Variants in ZC3HAV1L observed in about 807,000 individuals in gnomAD.
The protein encoded by ZC3HAV1L is zinc finger CCCH-type antiviral protein 1-like.
ZC3HAV1L carries 23 observed loss-of-function variants against 28.2 expected under a neutral mutation model. The observed-to-expected ratio is 0.82, with a 90% CI of 0.59 to 1.16. ZC3HAV1L has a LOEUF of 1.16. Among genes scored for constraint, ZC3HAV1L ranks in the 50% most tolerant of loss-of-function variants. ZC3HAV1L has a pLI of 0.00. For synonymous variants in ZC3HAV1L, 180 were observed against 163.4 expected, an observed-to-expected ratio of 1.10 and a Z score of -0.78; for missense variants, 376 against 387.7, an observed-to-expected ratio of 0.97 and a Z score of 0.25.
intron 3 of ZC3HAV1L, 69 bp downstream of exon 3, chr7:139,028,633 A>C (rs1815427663): frequency 6.5e-7 from 1 of 1,548,526 alleles, no homozygotes; most frequent in Non-Finnish European, 8.7e-7. Flanking sequence ...CACTGTTCTT[A>C]CTTCTTCACA....
rs945753819 is a variant in ZC3HAV1L, at chr7:139,035,835, C to T, written c.183G>A (p.Gly61=). The change falls in exon 1 of 5, where the codon GGG becomes GGA. Residue 61 remains glycine (G), a synonymous_variant. Coordinates refer to ENST00000275766, the MANE Select transcript of ZC3HAV1L (RefSeq NM_080660.4). ...LQEVETQEGL[G]DAEAEAAAGA... ...CGGCCGCCGCCTCGGCCTCCGCGTC[C>T]CCGAGGCCCTCCTGCGTCTCCACCT... 1 of 1,491,332 alleles carries T rather than the reference C, an allele frequency of 6.7e-7. No homozygotes were observed. Among genetic ancestry groups the T allele is most frequent in the Non-Finnish European group, 8.9e-7 (1 of 1,128,954 alleles). 92.4% of individuals were successfully genotyped at this position (1,491,332 alleles called of 1,614,324 possible).
Position 139,035,697 on chromosome 7 carries a change from G to A in ZC3HAV1L, c.321C>T (p.Phe107=), listed in dbSNP as rs544199512. The A allele has an allele frequency of 2.0e-6, 3 of 1,481,242 alleles. No homozygotes were observed. Among genetic ancestry groups the A allele is most frequent in the Admixed American group, 4.7e-5 (2 of 42,240 alleles). The allele number at this position is 1,481,242 out of a possible 1,614,324, so 91.8% of individuals were successfully genotyped here. A position where few individuals can be genotyped will look rare whatever the true frequency, so the allele number is the denominator to read the frequency against. The change falls in exon 1 of 5, where the codon TTC becomes TTT. Residue 107 remains phenylalanine (F), a synonymous_variant. Transcript: ENST00000275766. ...ACTTGCCCAGCATGTGCCGGCGGCA[G>A]AAGTGCAGCTGGTCGCAGGCCTGGC... ...GECQACDQLH[F]CRRHMLGKCP...
intron 1 of ZC3HAV1L, 166 bp from the exon 2 acceptor site, chr7:139,034,844 T>C (rs1400090680): frequency 1.4e-5 from 14 of 985,048 alleles, no homozygotes; most frequent in Admixed American, 1.2e-4. Flanking sequence ...AATAAGAAAA[T>C]TGGGTTGAAG....
chr7:139,026,104 C>CA lies in ZC3HAV1L; in HGVS notation c.*439dup. 1 of 161,290 alleles carries CA rather than the reference C, an allele frequency of 6.2e-6. No individual in the cohort carries two copies. Among genetic ancestry groups the CA allele is most frequent in the Non-Finnish European group, 1.3e-5 (1 of 74,766 alleles). The allele number at this position is 161,290 out of a possible 1,614,324, so 10.0% of individuals were successfully genotyped here. A position where few individuals can be genotyped will look rare whatever the true frequency, so the allele number is the denominator to read the frequency against. On this transcript the variant is annotated 3_prime_UTR_variant, in exon 5 of 5. Transcript: ENST00000275766. ...GAGCCGAGATCACGTCACTGCACTCCAGCCTGGGCAACAGAGCAAGACCAT... is the reference window on the plus strand; with the variant it reads ...GAGCCGAGATCACGTCACTGCACTCCAAGCCTGGGCAACAGAGCAAGACCAT...
At chr7:139,025,125 A>G (rs1027030168), downstream of ZC3HAV1L, among the ~76,000 whole-genome samples, 1 of 152,170 alleles carries the variant, frequency 6.6e-6, no homozygotes, top group South Asian at 2.1e-4. Context: ...TCATCCTTCA[A>G]ACTATTGTGA....
At chr7:139,031,056 A>C (rs1416087396) in intron 2 of ZC3HAV1L, among the ~76,000 whole-genome samples, 2 of 152,170 alleles carry the variant, frequency 1.3e-5, no homozygotes, top group Non-Finnish European at 2.9e-5. Flanking sequence ...ACTTTAATGC[A>C]ATTTCTACCC....
rs540955663 is a variant in ZC3HAV1L at position 139,026,564 on chromosome 7, T to C, written c.887-4A>G. 362 of 1,612,574 alleles carry C rather than the reference T, an allele frequency of 2.2e-4. 3 individuals are homozygous for C. The South Asian group carries it at 3.7e-3, about 17-fold the overall frequency. ...CTTCTTTACTTCTCGCAAGACACTG[T>C]GAGGTAGATATTATTATGACCATTA... On this transcript the variant is annotated splice_region_variant and splice_polypyrimidine_tract_variant and intron_variant, in intron 4 of 4. Coordinates refer to ENST00000275766, the MANE Select transcript of ZC3HAV1L (RefSeq NM_080660.4).
intron 2 of ZC3HAV1L, chr7:139,033,885 T>C (rs1815611677): frequency 3.0e-6 from 3 of 985,422 alleles, no homozygotes; most frequent in African/African-American, 3.5e-5. Context: ...CAGCTACTGC[T>C]TGCATCTACT....
chr7:139,022,045 A>G (rs188779781), downstream of ZC3HAV1L, among the ~76,000 whole-genome samples: 356 of 152,300 alleles, frequency 2.3e-3, no homozygotes, highest in African/African-American at 8.0e-3. Flanking sequence ...TATAAAACCT[A>G]GACAAAAAGA....
At chr7:139,035,350 G>T (rs143775939) in intron 1 of ZC3HAV1L, 14 of 985,076 alleles carry the variant, frequency 1.4e-5, no homozygotes, top group Non-Finnish European at 1.7e-5. Flanking sequence ...AGTGAGCTCC[G>T]AAGTCCCAGT....
rs1455475217 is a variant in ZC3HAV1L, at chr7:139,035,962, C to T, written c.56G>A (p.Gly19Asp). 7 of 1,520,210 alleles carry T rather than the reference C, an allele frequency of 4.6e-6. No individual in the cohort carries two copies. Among genetic ancestry groups the T allele is most frequent in the South Asian group, 1.2e-5 (1 of 82,300 alleles). 94.2% of individuals were successfully genotyped at this position (1,520,210 alleles called of 1,614,324 possible). ...FLTKVLCAHG[G>D]RMFLKDLRGH... is the part of the protein sequence containing the mutation. ...GCGCAGGTCCTTCAGGAACATGCGG[C>T]CGCCGTGGGCGCACAGCACCTTGGT... The change falls in exon 1 of 5, where the codon GGC becomes GAC. Residue 19 changes from glycine (G) to aspartate (D), a missense_variant. Transcript: ENST00000275766.
rs973062116 is a variant in ZC3HAV1L, at chr7:139,034,236, G to A, written c.501+307C>T. The A allele has an allele frequency of 3.2e-5, 30 of 934,170 alleles. No individual in the cohort carries two copies. The Admixed American group carries it at 9.3e-4, about 29-fold the overall frequency. 57.9% of individuals were successfully genotyped at this position (934,170 alleles called of 1,614,324 possible). On this transcript the variant is annotated intron_variant, in intron 2 of 4. Transcript: ENST00000275766. ...CCATCCCTCTTCTGGCCAAGTGGAGGTGTCTATGATAGCATCACTGTGCTA... is the reference window on the plus strand; with the variant it reads ...CCATCCCTCTTCTGGCCAAGTGGAGATGTCTATGATAGCATCACTGTGCTA...
chr7:139,026,970 A>G, intron 3 of ZC3HAV1L, 137 bp from the exon 4 acceptor site: 6 of 997,746 alleles, frequency 6.0e-6, no homozygotes, highest in Non-Finnish European at 8.5e-6. Context: ...TCTGGATTTT[A>G]AAAAATTGTA....
intron 2 of ZC3HAV1L, 30 bp from the exon 3 acceptor site, chr7:139,028,990 T>C (rs889311155): frequency 6.3e-7 from 1 of 1,592,676 alleles, no homozygotes; most frequent in Non-Finnish European, 8.6e-7. Context: ...ACACCTGAAA[T>C]ATTAGTTTTT....
Position 139,035,662 on chromosome 7 carries a change from C to A in ZC3HAV1L, c.356G>T (p.Arg119Leu). 6.9e-7 allele frequency: 1 copy of A among 1,452,924 alleles called. No individual in the cohort carries two copies. The allele number at this position is 1,452,924 out of a possible 1,614,324, so 90.0% of individuals were successfully genotyped here. Residue 119 changes from arginine (R) to leucine (L), a missense_variant, in exon 1 of 5, where the codon CGG becomes CTG. Coordinates refer to ENST00000275766, the MANE Select transcript of ZC3HAV1L (RefSeq NM_080660.4). ...GCCGCCGCCTTCTCACCAGCAGTCC[C>A]GGTTGGGGCACTTGCCCAGCATGTG... Reference protein sequence around the residue: ...RRHMLGKCPNRDCWSTCTLSH... With the variant: ...RRHMLGKCPNLDCWSTCTLSH...
chr7:139,026,984 G>A (rs1432564370), intron 3 of ZC3HAV1L, 151 bp from the exon 4 acceptor site: 2 of 890,836 alleles, frequency 2.2e-6, no homozygotes, highest in African/African-American at 1.7e-5. Context: ...AATTGTATGT[G>A]TGTGTGTATA....
Position 139,030,833 on chromosome 7 carries a change from AT to A in ZC3HAV1L, c.502-1874del, listed in dbSNP as rs764593682. ...GTCTCCATCTCAAAAAATAATAATA[AT>A]TAATTAATTAATTAATTAATTAAAT... On this transcript the variant is annotated intron_variant, in intron 2 of 4. Coordinates refer to ENST00000275766, the MANE Select transcript of ZC3HAV1L (RefSeq NM_080660.4). Among the ~76,000 whole-genome samples the A allele has an allele frequency of 3.6e-4, 51 of 143,494 alleles. No individual in the cohort carries two copies. The East Asian group carries it at 8.7e-3, about 24-fold the overall frequency. 94.1% of individuals were successfully genotyped at this position (143,494 alleles called of 152,430 possible).
At position 139,025,969 on chromosome 7, in the gene ZC3HAV1L, CA is replaced by C. The variant is rs962653088; in HGVS notation, c.*574del. On this transcript the variant is annotated 3_prime_UTR_variant, in exon 5 of 5. Transcript: ENST00000275766. ...GCAACATGGCAAAATACCCTCTCTA[CA>C]AAAAAAAAATACAAAAAATTAGCTG... 4.8e-5 allele frequency: 7 copies of C among 145,850 alleles called. No homozygotes were observed. The highest frequency in any genetic ancestry group is 2.2e-4 in the South Asian group (1 of 4,610). 9.0% of individuals were successfully genotyped at this position (145,850 alleles called of 1,614,324 possible).
downstream of ZC3HAV1L, chr7:139,022,418 C>A: frequency 2.3e-6 from 1 of 432,168 alleles, no homozygotes; most frequent in South Asian, 1.7e-5. Flanking sequence ...TGGTGGCATG[C>A]ACCTATAGTC....
Sources: allele counts gnomAD v4.1 joint callset (sites outside exome capture counted in the v4.1 genomes callset), GRCh38; gene constraint gnomAD v4.1.1; transcripts MANE v1.5; gene names NCBI Gene and HGNC (gene_info 2026-07-23, HGNC 2026-07-21).